Variants in CMIP observed in about 807,000 individuals in gnomAD.
CMIP encodes c-Maf inducing protein.
A neutral mutation model predicts 97.3 loss-of-function variants in CMIP; 13 were observed. The ratio of observed to expected loss-of-function variants is 0.13; its 90% confidence interval spans 0.09 to 0.21. The LOEUF is 0.21. Among genes scored for constraint, CMIP ranks in the 10% least tolerant of loss-of-function variants. The pLI, the probability that CMIP is intolerant of heterozygous loss-of-function variation, is 1.00. For missense variants in CMIP, 847 were observed against 1,024.9 expected, an observed-to-expected ratio of 0.83 and a Z score of 2.37; for synonymous variants, 538 against 436.3, an observed-to-expected ratio of 1.23 and a Z score of -2.91.
At chr16:81,495,053 G>T (rs2089465047) in intron 1 of CMIP, among the ~76,000 whole-genome samples, 1 of 152,164 alleles carries the variant, frequency 6.6e-6, no homozygotes, top group Non-Finnish European at 1.5e-5. Context: ...GGACTGTAAG[G>T]CTTTGGGCAC....
intron 1 of CMIP, among the ~76,000 whole-genome samples, chr16:81,474,063 G>T (rs1907730403): frequency 1.3e-5 from 2 of 152,046 alleles, no homozygotes; most frequent in African/African-American, 2.4e-5. Context: ...GCAGAGGCAG[G>T]CCTTTAACCG....
At chr16:81,659,630 C>G (rs965889688) in intron 5 of CMIP, among the ~76,000 whole-genome samples, 1 of 152,188 alleles carries the variant, frequency 6.6e-6, no homozygotes, top group African/African-American at 2.4e-5. Context: ...GCCAGCAACA[C>G]CTGTGGGTCC....
At chr16:81,666,265 G>A (rs1291125914) in intron 7 of CMIP, 1 of 152,196 alleles carries the variant, frequency 6.6e-6, no homozygotes, top group Non-Finnish European at 1.5e-5. Context: ...AGGTTTTCTT[G>A]CGAAGGACCT....
chr16:81,457,087 G>A (rs9921731), intron 1 of CMIP, among the ~76,000 whole-genome samples: 1 of 151,712 alleles, frequency 6.6e-6, no homozygotes, highest in African/African-American at 2.4e-5. Context: ...TGGAGCGAGC[G>A]TCCCGCCCTG....
intron 3 of CMIP, among the ~76,000 whole-genome samples, chr16:81,635,199 C>T (rs941267643): frequency 2.0e-5 from 3 of 151,768 alleles, no homozygotes; most frequent in African/African-American, 7.3e-5. Context: ...AGGTGTTCCC[C>T]ACCCCCACCC....
intron 1 of CMIP, among the ~76,000 whole-genome samples, chr16:81,553,492 G>T (rs919604001): frequency 2.1e-5 from 3 of 145,298 alleles, no homozygotes; most frequent in African/African-American, 4.9e-5. Context: ...CTGATGAAGA[G>T]CATATATTCC....
chr16:81,598,069 T>A (rs2091592828), intron 1 of CMIP, among the ~76,000 whole-genome samples: 1 of 152,152 alleles, frequency 6.6e-6, no homozygotes, highest in African/African-American at 2.4e-5. Flanking sequence ...GGTTTCCTCA[T>A]CTGTGTGGTT....
At chr16:81,512,713 A>G (rs1450799636) in intron 1 of CMIP, among the ~76,000 whole-genome samples, 3 of 152,120 alleles carry the variant, frequency 2.0e-5, no homozygotes, top group African/African-American at 7.2e-5. Flanking sequence ...AATAAAATTA[A>G]TTGGCCACAA....
At chr16:81,488,790 G>A (rs2150764309) in intron 1 of CMIP, among the ~76,000 whole-genome samples, 1 of 152,282 alleles carries the variant, frequency 6.6e-6, no homozygotes. Context: ...TGTTCTGCAG[G>A]CCCAGTGTGA....
intron 1 of CMIP, among the ~76,000 whole-genome samples, chr16:81,491,064 C>T (rs1597471579): frequency 1.3e-5 from 2 of 152,084 alleles, no homozygotes; most frequent in Admixed American, 6.5e-5. Context: ...TTGGGCTGCG[C>T]GGGCTGAGCT....
intron 1 of CMIP, among the ~76,000 whole-genome samples, chr16:81,455,579 C>A (rs1449821543): frequency 6.6e-6 from 1 of 152,190 alleles, no homozygotes; most frequent in African/African-American, 2.4e-5. Context: ...TCTGTCCGTA[C>A]TGAAAGCAGG....
At chr16:81,639,746 A>G (rs2092281377) in intron 3 of CMIP, among the ~76,000 whole-genome samples, 1 of 152,218 alleles carries the variant, frequency 6.6e-6, no homozygotes, top group Admixed American at 6.5e-5. Context: ...CCGGCGCTCA[A>G]AAAAGTCCTG....
At chr16:81,605,388 C>A (rs1446375827) in intron 1 of CMIP, among the ~76,000 whole-genome samples, 2 of 152,126 alleles carry the variant, frequency 1.3e-5, no homozygotes, top group African/African-American at 4.8e-5. Context: ...GGGGTCCAGG[C>A]AGCCTTGTCG....
chr16:81,513,606 T>A (rs1228767428), intron 1 of CMIP, among the ~76,000 whole-genome samples: 1 of 152,196 alleles, frequency 6.6e-6, no homozygotes, highest in Admixed American at 6.5e-5. Context: ...GGGTGCTGAC[T>A]TGGGAACCCC....
chr16:81,624,894 C>G (rs1296581954), intron 3 of CMIP, among the ~76,000 whole-genome samples: 1 of 152,192 alleles, frequency 6.6e-6, no homozygotes, highest in East Asian at 1.9e-4. Flanking sequence ...TTTGTGGCAT[C>G]AGCTCAGAAC....
intron 1 of CMIP, among the ~76,000 whole-genome samples, chr16:81,455,356 C>G (rs1192831112): frequency 1.3e-5 from 2 of 152,218 alleles, no homozygotes; most frequent in Non-Finnish European, 2.9e-5. Flanking sequence ...CTCCATTTTA[C>G]CGATGGGGAC....
At chr16:81,449,673 C>A (rs975207588) in intron 1 of CMIP, among the ~76,000 whole-genome samples, 3 of 151,098 alleles carry the variant, frequency 2.0e-5, no homozygotes, top group Admixed American at 6.6e-5. Context: ...CAGATTTCCC[C>A]CCCCCCCTTT....
At chr16:81,588,597 G>A (rs1038329848) in intron 1 of CMIP, among the ~76,000 whole-genome samples, 7 of 152,064 alleles carry the variant, frequency 4.6e-5, no homozygotes, top group African/African-American at 1.7e-4. Flanking sequence ...TTCAGTAATT[G>A]CCAAAACCCA....
chr16:81,538,620 C>T (rs897101551), intron 1 of CMIP, among the ~76,000 whole-genome samples: 1 of 152,108 alleles, frequency 6.6e-6, no homozygotes, highest in Non-Finnish European at 1.5e-5. Flanking sequence ...TCCTGTGGAT[C>T]TCTTGGTTTC....
Sources: gnomAD v4.1 joint callset for allele counts (sites outside exome capture counted in the v4.1 genomes callset) on GRCh38, gnomAD v4.1.1 for gene constraint, MANE v1.5 for transcripts, NCBI Gene and HGNC (gene_info 2026-07-23, HGNC 2026-07-21) for gene names.